The following ABCC6 variants were observed in gnomAD, a reference collection of about 807,000 sequenced individuals.
ABCC6 encodes ATP binding cassette subfamily C member 6, also known as ATP-binding cassette sub-family C member 6.
ABCC6 carries 126 observed loss-of-function variants against 169.5 expected under a neutral mutation model. The observed-to-expected ratio is 0.74, with a 90% CI of 0.64 to 0.86. The LOEUF (loss-of-function observed/expected upper bound fraction) is 0.86, where lower values mean the gene tolerates loss of function less well. Among genes scored for constraint, ABCC6 ranks in the 40% least tolerant of loss-of-function variants. The probability of loss-of-function intolerance (pLI) is 0.00; values close to 1 mark genes in which losing one functional copy is unlikely to be tolerated. For missense variants in ABCC6, 1,733 were observed against 1,927.2 expected, an observed-to-expected ratio of 0.90 and a Z score of 1.89; for synonymous variants, 752 against 814.7, an observed-to-expected ratio of 0.92 and a Z score of 1.31.
At chr16:16,215,205 A>G (rs2048816999) in intron 4 of ABCC6, among the ~76,000 whole-genome samples, 1 of 152,254 alleles carries the variant, frequency 6.6e-6, no homozygotes, top group South Asian at 2.1e-4. Context: ...CATTCTTGCC[A>G]TACACAGTCT....
intron 21 of ABCC6, 22 bp from the exon 22 acceptor site, chr16:16,169,875 G>C (rs1567485174): frequency 1.3e-6 from 2 of 1,549,794 alleles, no homozygotes; most frequent in Non-Finnish European, 1.7e-6. Flanking sequence ...ATGAGGGAGA[G>C]GGAGGCAGAG....
At chr16:16,196,918 C>T (rs753928452) in intron 10 of ABCC6, among the ~76,000 whole-genome samples, 54 of 152,074 alleles carry the variant, frequency 3.6e-4, no homozygotes, top group Non-Finnish European at 6.8e-4. Context: ...GTCTGGAACT[C>T]CTGGCCTCAA....
At chr16:16,157,836 G>A in intron 26 of ABCC6, 27 bp from the exon 27 acceptor site, 7 of 1,602,664 alleles carry the variant, frequency 4.4e-6, no homozygotes, top group Non-Finnish European at 5.9e-6. Flanking sequence ...AACTGAGTCA[G>A]AGGAGCCTTC....
intron 6 of ABCC6, among the ~76,000 whole-genome samples, chr16:16,210,212 C>T (rs1435839005): frequency 6.6e-6 from 1 of 151,798 alleles, no homozygotes; most frequent in African/African-American, 2.4e-5. Context: ...TCTCGGCTCA[C>T]CGCAACCTCC....
intron 13 of ABCC6, among the ~76,000 whole-genome samples, 199 bp from the exon 14 acceptor site, chr16:16,187,410 T>G (rs1416107454): frequency 6.6e-6 from 1 of 152,202 alleles, no homozygotes; most frequent in Non-Finnish European, 1.5e-5. Flanking sequence ...CTCCCACCTC[T>G]GCGATCCTAC....
chr16:16,214,287 A>C (rs2048767253), intron 5 of ABCC6, 37 bp downstream of exon 5: 2 of 1,549,142 alleles, frequency 1.3e-6, no homozygotes, highest in African/African-American at 2.7e-5. Context: ...GAGACCTCAA[A>C]GTGGAACAGG....
intron 15 of ABCC6, among the ~76,000 whole-genome samples, chr16:16,183,673 C>T (rs2152261280): frequency 6.6e-6 from 1 of 152,272 alleles, no homozygotes; most frequent in African/African-American, 2.4e-5. Context: ...CTGCATCCCC[C>T]AGGAGTCATT....
At chr16:16,170,591 T>A (rs1398355999) in intron 21 of ABCC6, among the ~76,000 whole-genome samples, 2 of 152,020 alleles carry the variant, frequency 1.3e-5, no homozygotes, top group African/African-American at 2.4e-5. Flanking sequence ...TCTAATTATA[T>A]CTTGTCGTTG....
At chr16:16,214,108 G>A (rs1385136456) in intron 5 of ABCC6, among the ~76,000 whole-genome samples, 2 of 152,196 alleles carry the variant, frequency 1.3e-5, no homozygotes, top group Non-Finnish European at 2.9e-5. Context: ...GCAGAGTTGA[G>A]TAATTGCCAC....
intron 21 of ABCC6, among the ~76,000 whole-genome samples, chr16:16,171,611 A>G (rs2047072751): frequency 6.6e-6 from 1 of 152,098 alleles, no homozygotes; most frequent in South Asian, 2.1e-4. Flanking sequence ...AATGGATGGA[A>G]AGATCAATGA....
rs751173976 is a variant in ABCC6 at position 16,163,044 on chromosome 16, G to A, written c.3455C>T (p.Ala1152Val). 13 of 1,614,062 alleles carry A rather than the reference G, an allele frequency of 8.1e-6. No homozygotes were observed. Among genetic ancestry groups the A allele is most frequent in the South Asian group, 6.6e-5 (6 of 91,088 alleles). Reference protein sequence around the residue: ...TQAPFVAQNNARVDESQRISF... With the variant: ...TQAPFVAQNNVRVDESQRISF... The stretch of plus-strand genomic sequence containing the variant: ...GATCCTCTGGCTTTCATCTACGCGA[G>A]CATTGTTCTGAGCCACAAAGGGGGC... The change falls in exon 24 of 31, where the codon GCT (alanine) becomes GTT (valine). Residue 1152 changes from alanine (A) to valine (V), a missense_variant. Ala to Val is a moderately conservative substitution (Grantham distance 64). This residue lies in a region of ABCC6 where 1,601 missense variants were observed against 1,635.5 expected (regional missense o/e 0.98). Transcript: ENST00000205557.
At chr16:16,200,559 C>G (rs1400281927) in intron 9 of ABCC6, among the ~76,000 whole-genome samples, 4 of 141,520 alleles carry the variant, frequency 2.8e-5, no homozygotes, top group Non-Finnish European at 6.3e-5. Flanking sequence ...GGCGGCCTTC[C>G]TCTTAGGCTC....
chr16:16,164,874 GGAGA>G (rs1010463357), intron 23 of ABCC6, among the ~76,000 whole-genome samples: 2 of 152,196 alleles, frequency 1.3e-5, no homozygotes, highest in African/African-American at 4.8e-5. Flanking sequence ...GTGAAGATAT[GGAGA>G]GAGTCACTGT....
At chr16:16,174,373 A>G (rs4577106) in intron 20 of ABCC6, among the ~76,000 whole-genome samples, 66,620 of 151,946 alleles carry the variant, frequency 0.44, 15,286 homozygotes, top group Non-Finnish European at 0.51. Flanking sequence ...TTTTCTGTCT[A>G]TTAATCTTTG....
intron 4 of ABCC6, among the ~76,000 whole-genome samples, chr16:16,218,284 AG>A (rs2048954012): frequency 8.0e-6 from 1 of 124,264 alleles, no homozygotes; most frequent in Non-Finnish European, 1.7e-5. Context: ...GAGGAGTTCA[AG>A]ATCAGCCTGG....
chr16:16,198,244 G>A (rs2048121810), intron 9 of ABCC6, 62 bp from the exon 10 acceptor site: 5 of 1,534,772 alleles, frequency 3.3e-6, no homozygotes, highest in African/African-American at 1.4e-5. Context: ...GATGCCCCAG[G>A]TGGCTTCTCC....
intron 10 of ABCC6, among the ~76,000 whole-genome samples, chr16:16,195,855 T>C (rs987380732): frequency 1.3e-5 from 2 of 152,198 alleles, no homozygotes; most frequent in Non-Finnish European, 2.9e-5. Flanking sequence ...AAAACAATCA[T>C]ATGCATGAGC....
At chr16:16,152,538 A>T (rs1279733434) in intron 29 of ABCC6, among the ~76,000 whole-genome samples, 16 of 151,988 alleles carry the variant, frequency 1.1e-4, no homozygotes, top group African/African-American at 3.9e-4. Context: ...CAGGAGTGTG[A>T]CTCAGGACTA....
At chr16:16,221,413 G>C (rs931798821) in intron 2 of ABCC6, 1 of 1,416,802 alleles carries the variant, frequency 7.1e-7, no homozygotes, top group Admixed American at 2.9e-5. Flanking sequence ...AGGAACATGG[G>C]AGTGTATGCG....
Sources: gnomAD v4.1 joint callset for allele counts (sites outside exome capture counted in the v4.1 genomes callset) on GRCh38, gnomAD v4.1.1 for gene constraint, gnomAD v4.1.1 regional missense constraint, MANE v1.5 for transcripts, NCBI Gene and HGNC (gene_info 2026-07-23, HGNC 2026-07-21) for gene names.